The following CENPC variants were observed in gnomAD, a reference collection of about 807,000 sequenced individuals.
CENPC encodes centromere protein C.
In CENPC, 63 loss-of-function variants were observed where a neutral mutation model predicts 112.1. The ratio of observed to expected loss-of-function variants is 0.56; its 90% CI spans 0.46 to 0.69. CENPC has a LOEUF of 0.69. Among genes scored for constraint, CENPC ranks in the 30% least tolerant of loss-of-function variants. The pLI is 0.00. For synonymous variants in CENPC, 333 were observed against 367.6 expected (o/e 0.91, Z 1.08); for missense variants, 1,000 against 1,103.8 (o/e 0.91, Z 1.33).
chr4:67,514,306 G>C lies in CENPC; in HGVS notation c.1212C>G (p.Ser404=), dbSNP rs772451952. ...NYRSTKYEMY[S]KNAEKPSRSK... is the part of the protein sequence containing the mutation. ...TTCTAGATGGTTTTTCTGCATTCTT[G>C]GAATACATTTCATATTTTGTAGATC... The change falls in exon 8 of 19, where the codon TCC becomes TCG. Residue 404 remains serine (S), a synonymous_variant. Coordinates refer to ENST00000273853, the MANE Select transcript of CENPC (RefSeq NM_001812.4). 1.9e-6 allele frequency: 3 copies of C among 1,609,626 alleles called. No individual in the cohort carries two copies. The South Asian group carries it at 3.3e-5, about 18-fold the overall frequency.
chr4:67,535,129 G>T (rs1433052046), intron 4 of CENPC, among the ~76,000 whole-genome samples: 3 of 151,984 alleles, frequency 2.0e-5, no homozygotes, highest in Non-Finnish European at 4.4e-5. Context: ...CTGACTAAAA[G>T]GGAGGCTTGA....
intron 11 of CENPC, among the ~76,000 whole-genome samples, chr4:67,505,945 AT>A (rs1397818069): frequency 2.0e-5 from 3 of 152,160 alleles, no homozygotes; most frequent in Non-Finnish European, 4.4e-5. Flanking sequence ...TTAAAAAAAA[AT>A]ATAGCCAAAA....
Position 67,514,330 on chromosome 4 carries a change from T to G in CENPC, c.1188A>C (p.Arg396Ser). The G allele has an allele frequency of 6.2e-7, 1 of 1,611,518 alleles. No individual in the cohort carries two copies. Among genetic ancestry groups the G allele is most frequent in the Non-Finnish European group, 8.5e-7 (1 of 1,178,360 alleles). The part of the protein sequence containing the change: ...ALIGETVNNY[R>S]STKYEMYSKN... ...TGGAATACATTTCATATTTTGTAGA[T>G]CTATAATTATTTACTGTTTCACCTA... Residue 396 changes from arginine (R) to serine (S), a missense_variant, in exon 8 of 19, where the codon AGA (arginine) becomes AGC (serine). By Grantham distance (110) the Arg-to-Ser change is moderately radical (BLOSUM62 -1). Transcript: ENST00000273853.
At chr4:67,537,333 G>C (rs1466459739) in intron 4 of CENPC, among the ~76,000 whole-genome samples, 2 of 152,090 alleles carry the variant, frequency 1.3e-5, no homozygotes, top group African/African-American at 4.8e-5. Flanking sequence ...CACGCAATTT[G>C]TGTATTTTAA....
intron 6 of CENPC, 66 bp downstream of exon 6, chr4:67,519,151 T>C: frequency 8.5e-7 from 1 of 1,171,122 alleles, no homozygotes. Flanking sequence ...AAGATTGAAT[T>C]ACCATTTTTT....
At chr4:67,507,807 C>T (rs371145891) in intron 10 of CENPC, among the ~76,000 whole-genome samples, 1 of 152,200 alleles carries the variant, frequency 6.6e-6, no homozygotes, top group East Asian at 1.9e-4. Flanking sequence ...AGCTACCGAT[C>T]AGAACCCCTC....
intron 5 of CENPC, among the ~76,000 whole-genome samples, chr4:67,524,298 T>C (rs139465128): frequency 6.6e-6 from 1 of 152,192 alleles, no homozygotes; most frequent in African/African-American, 2.4e-5. Flanking sequence ...ACCACTCCTA[T>C]TCAACACAGT....
intron 4 of CENPC, among the ~76,000 whole-genome samples, chr4:67,536,815 G>C (rs1207906245): frequency 6.6e-6 from 1 of 151,256 alleles, no homozygotes; most frequent in African/African-American, 2.4e-5. Context: ...ACAAGCAAAT[G>C]AGAGGACCGA....
chr4:67,489,930 CA>C (rs377335419), intron 17 of CENPC, 36 bp downstream of exon 17: 1 of 1,448,518 alleles, frequency 6.9e-7, no homozygotes. Context: ...AGAGTTCTAC[CA>C]AGAGTGAAAC....
chr4:67,493,277 AAAG>A (rs921914767), intron 14 of CENPC: 1 of 198,642 alleles, frequency 5.0e-6, no homozygotes, highest in African/African-American at 2.3e-5. Context: ...AAAAAAAAAA[AAAG>A]GAGGGGGCTA....
intron 6 of CENPC, 70 bp downstream of exon 6, chr4:67,519,146 TG>T (rs1460958127): frequency 2.8e-5 from 32 of 1,126,440 alleles, no homozygotes; most frequent in Middle Eastern, 3.0e-4. Flanking sequence ...ATAACAAGAT[TG>T]AATTACCATT....
chr4:67,532,204 T>C (rs137976842), intron 4 of CENPC, among the ~76,000 whole-genome samples: 3 of 152,122 alleles, frequency 2.0e-5, no homozygotes, highest in Non-Finnish European at 4.4e-5. Flanking sequence ...GAGACACTAT[T>C]TCACAATAGT....
chr4:67,528,390 C>T (rs934831030), intron 5 of CENPC, among the ~76,000 whole-genome samples: 1 of 152,150 alleles, frequency 6.6e-6, no homozygotes, highest in African/African-American at 2.4e-5. Flanking sequence ...TAAGTACATT[C>T]ACAACACTGT....
intron 17 of CENPC, among the ~76,000 whole-genome samples, chr4:67,488,587 C>T (rs1725154297): frequency 6.6e-6 from 1 of 151,818 alleles, no homozygotes; most frequent in African/African-American, 2.4e-5. Flanking sequence ...GAATATTAGC[C>T]AGATTACACA....
chr4:67,497,885 TA>T (rs1725485034), intron 12 of CENPC, among the ~76,000 whole-genome samples: 1 of 151,226 alleles, frequency 6.6e-6, no homozygotes, highest in Non-Finnish European at 1.5e-5. Flanking sequence ...GCATTATGTC[TA>T]AAAAAATCAG....
intron 13 of CENPC, among the ~76,000 whole-genome samples, chr4:67,494,282 T>G (rs970934294): frequency 1.3e-5 from 2 of 152,214 alleles, no homozygotes; most frequent in Non-Finnish European, 2.9e-5. Flanking sequence ...AAATTGAGTT[T>G]GTTGGCTTAT....
chr4:67,495,850 A>C (rs1725417974), intron 12 of CENPC, among the ~76,000 whole-genome samples: 1 of 152,190 alleles, frequency 6.6e-6, no homozygotes. Flanking sequence ...GGGGTTCTCA[A>C]CTTTGGTAAC....
intron 5 of CENPC, among the ~76,000 whole-genome samples, chr4:67,530,308 G>A (rs1052995916): frequency 6.6e-6 from 1 of 152,072 alleles, no homozygotes; most frequent in Non-Finnish European, 1.5e-5. Flanking sequence ...GGGCAAGAAC[G>A]TAGAATAGTA....
At chr4:67,497,189 C>T (rs1171686942) in intron 12 of CENPC, among the ~76,000 whole-genome samples, 2 of 151,996 alleles carry the variant, frequency 1.3e-5, no homozygotes, top group African/African-American at 2.4e-5. Flanking sequence ...ACCAGCCTTA[C>T]CAACATGGTG....
Sources: allele counts gnomAD v4.1 joint callset (sites outside exome capture counted in the v4.1 genomes callset), GRCh38; gene constraint gnomAD v4.1.1; transcripts MANE v1.5; gene names NCBI Gene and HGNC (gene_info 2026-07-23, HGNC 2026-07-21).